Variants in ROBO2 observed in about 807,000 individuals in gnomAD.
ROBO2 encodes the protein roundabout homolog 2.
Under a neutral mutation model 160.8 loss-of-function variants are expected in ROBO2, and 53 were observed. The observed-to-expected ratio is 0.33, with a 90% confidence interval of 0.26 to 0.41. The LOEUF is 0.41. Ranked by LOEUF, ROBO2 falls within the 10% of genes least tolerant of loss-of-function variation. ROBO2 has a pLI of 1.00. For synonymous variants in ROBO2, 664 were observed against 611.7 expected, an observed-to-expected ratio of 1.09 and a Z score of -1.26; for missense variants, 1,577 against 1,722.4, an observed-to-expected ratio of 0.92 and a Z score of 1.49.
chr3:76,461,197 GC>G (rs2078066270), intron 2 of ROBO2, among the ~76,000 whole-genome samples: 1 of 152,132 alleles, frequency 6.6e-6, no homozygotes, highest in Non-Finnish European at 1.5e-5. Context: ...ATGTCACATG[GC>G]CTGAGTGGAG....
chr3:76,978,356 T>G (rs1031160665), intron 2 of ROBO2, among the ~76,000 whole-genome samples: 9 of 152,126 alleles, frequency 5.9e-5, no homozygotes, highest in Non-Finnish European at 1.3e-4. Context: ...AATAAAGCAC[T>G]TTTTTCTGTA....
chr3:76,967,165 A>G (rs1170868529), intron 2 of ROBO2, among the ~76,000 whole-genome samples: 1 of 152,116 alleles, frequency 6.6e-6, no homozygotes, highest in Non-Finnish European at 1.5e-5. Context: ...TTACACATGT[A>G]CAGTTAGTAC....
chr3:77,599,510 G>A (rs1222475146), intron 19 of ROBO2, among the ~76,000 whole-genome samples: 1 of 127,120 alleles, frequency 7.9e-6, no homozygotes, highest in Non-Finnish European at 1.6e-5. Context: ...GGTGGGGGGA[G>A]GGGGGAGGGA....
chr3:76,654,837 AT>A (rs199653573), intron 2 of ROBO2, among the ~76,000 whole-genome samples: 1 of 144,452 alleles, frequency 6.9e-6, no homozygotes, highest in Non-Finnish European at 1.5e-5. Flanking sequence ...CTTGATTATA[AT>A]TTTTTTATAT....
intron 2 of ROBO2, among the ~76,000 whole-genome samples, chr3:76,270,469 G>A (rs143158878): frequency 2.6e-5 from 4 of 151,936 alleles, no homozygotes. Flanking sequence ...AATAGACTAC[G>A]ATGTAGCAAG....
At chr3:76,390,867 G>A (rs2077116183) in intron 2 of ROBO2, among the ~76,000 whole-genome samples, 1 of 152,150 alleles carries the variant, frequency 6.6e-6, no homozygotes, top group African/African-American at 2.4e-5. Context: ...AGTATGTTCA[G>A]TATGACATTG....
At chr3:75,997,637 G>A (rs866496409) in intron 2 of ROBO2, among the ~76,000 whole-genome samples, 4 of 151,846 alleles carry the variant, frequency 2.6e-5, no homozygotes, top group South Asian at 2.1e-4. Flanking sequence ...GACTACAGGC[G>A]CCCGCCACCA....
At chr3:76,822,130 A>G (rs572662704) in intron 2 of ROBO2, among the ~76,000 whole-genome samples, 13 of 152,184 alleles carry the variant, frequency 8.5e-5, no homozygotes, top group African/African-American at 2.9e-4. Context: ...TTACCAATAA[A>G]TTAGAATTAA....
chr3:76,813,894 G>A (rs2065423414), intron 2 of ROBO2, among the ~76,000 whole-genome samples: 1 of 152,036 alleles, frequency 6.6e-6, no homozygotes, highest in Non-Finnish European at 1.5e-5. Flanking sequence ...GTGAGAAACT[G>A]AGACTAATAT....
chr3:76,679,674 C>T (rs2092505986), intron 2 of ROBO2, among the ~76,000 whole-genome samples: 1 of 152,022 alleles, frequency 6.6e-6, no homozygotes, highest in South Asian at 2.1e-4. Context: ...ACTATTAGTC[C>T]ACTTGGTGGG....
At chr3:76,467,375 A>G (rs1433689886) in intron 2 of ROBO2, among the ~76,000 whole-genome samples, 1 of 152,146 alleles carries the variant, frequency 6.6e-6, no homozygotes, top group African/African-American at 2.4e-5. Context: ...TTATGCCAGT[A>G]TTTCCATGTT....
chr3:76,885,355 T>G (rs1380435141), intron 2 of ROBO2, among the ~76,000 whole-genome samples: 1 of 152,178 alleles, frequency 6.6e-6, no homozygotes, highest in Admixed American at 6.5e-5. Context: ...TTTTCTCCGA[T>G]GCAAAATGCA....
chr3:76,165,112 G>A (rs2072778714), intron 2 of ROBO2, among the ~76,000 whole-genome samples: 1 of 152,104 alleles, frequency 6.6e-6, no homozygotes, highest in Non-Finnish European at 1.5e-5. Context: ...GCCAGACGTT[G>A]ACTTTTCTCT....
chr3:77,409,441 T>A (rs1416662136), intron 2 of ROBO2, among the ~76,000 whole-genome samples: 1 of 152,138 alleles, frequency 6.6e-6, no homozygotes, highest in Non-Finnish European at 1.5e-5. Context: ...GTTGATTCTT[T>A]AAAAATAGAA....
At position 76,719,650 on chromosome 3, in the gene ROBO2, G is replaced by A. The variant is rs142810470; in HGVS notation, c.110-378364G>A. 3.9e-4 allele frequency among the ~76,000 whole-genome samples: 60 copies of A among 152,276 alleles called. No homozygotes were observed. The East Asian group carries it at 7.7e-3, about 20-fold the overall frequency. On this transcript the variant is annotated intron_variant, in intron 2 of 26. Transcript: ENST00000487694. Reference sequence around the variant, plus strand: ...TGTATTCCCAGCACTTTGGGAGGCCGAGGCGGGTGGATCGCCTGAGGTCAG... The same window carrying A: ...TGTATTCCCAGCACTTTGGGAGGCCAAGGCGGGTGGATCGCCTGAGGTCAG...
intron 2 of ROBO2, among the ~76,000 whole-genome samples, chr3:76,776,690 A>T (rs1436173645): frequency 6.6e-6 from 1 of 150,984 alleles, no homozygotes; most frequent in East Asian, 2.0e-4. Context: ...AAGACACCAT[A>T]CAATAAATTA....
chr3:77,274,129 T>C (rs6776288), intron 2 of ROBO2, among the ~76,000 whole-genome samples: 46,736 of 152,040 alleles, frequency 0.31, 10,380 homozygotes, highest in African/African-American at 0.63. Context: ...AATTGAAGTA[T>C]AAATTTTAAA....
At chr3:76,965,197 C>T (rs989456583) in intron 2 of ROBO2, among the ~76,000 whole-genome samples, 2 of 152,186 alleles carry the variant, frequency 1.3e-5, no homozygotes, top group Non-Finnish European at 2.9e-5. Context: ...TAAAGCCGCT[C>T]ATCTTCTGCA....
intron 2 of ROBO2, among the ~76,000 whole-genome samples, chr3:76,710,091 C>A (rs143025747): frequency 7.9e-5 from 12 of 151,854 alleles, no homozygotes; most frequent in African/African-American, 2.9e-4. Context: ...GAGGCCTGCC[C>A]CTCTTCCAAA....
Sources: allele counts gnomAD v4.1 joint callset (sites outside exome capture counted in the v4.1 genomes callset), GRCh38; gene constraint gnomAD v4.1.1; transcripts MANE v1.5; gene names NCBI Gene and HGNC (gene_info 2026-07-23, HGNC 2026-07-21).